MRRF: variants seen among roughly 807,000 people sequenced by gnomAD.
The protein encoded by MRRF is mitochondrial ribosome recycling factor.
A neutral mutation model predicts 25.1 loss-of-function variants in MRRF; 18 were observed. The observed-to-expected ratio is 0.72, with a 90% CI of 0.50 to 1.06. MRRF has a LOEUF of 1.06. Among genes scored for constraint, MRRF ranks in the 50% least tolerant of loss-of-function variants. The pLI is 0.00. For missense variants in MRRF, 323 were observed against 319.3 expected (o/e 1.01, Z -0.09); for synonymous variants, 113 against 112.1 (o/e 1.01, Z -0.05).
At chr9:122,315,207 G>A (rs1347734562) in intron 6 of MRRF, among the ~76,000 whole-genome samples, 2 of 152,030 alleles carry the variant, frequency 1.3e-5, no homozygotes, top group African/African-American at 4.8e-5. Flanking sequence ...TCTTGAGATG[G>A]GGTCTCACTA....
intron 1 of MRRF, chr9:122,265,463 T>C (rs1832007578): frequency 3.1e-6 from 1 of 326,194 alleles, no homozygotes; most frequent in East Asian, 8.1e-5. Context: ...GTTTTACAGA[T>C]GAGACGGAAG....
Position 122,273,875 on chromosome 9 carries a change from A to AT in MRRF, c.184+2807dup, listed in dbSNP as rs1488428282. ...ACATAATGGTTGTTTGTGCATTTTTATTTTTTTAATGATATTCTACTGAAA... is the reference window on the plus strand; with the variant it reads ...ACATAATGGTTGTTTGTGCATTTTTATTTTTTTTAATGATATTCTACTGAAA... On this transcript the variant is annotated intron_variant, in intron 2 of 6. Transcript: ENST00000344641. Among the ~76,000 whole-genome samples, 7 of 152,196 alleles carry AT rather than the reference A, an allele frequency of 4.6e-5. No individual in the cohort carries two copies. The East Asian group carries it at 1.4e-3, about 29-fold the overall frequency.
chr9:122,276,317 G>T (rs1832770723), intron 2 of MRRF, among the ~76,000 whole-genome samples: 1 of 152,052 alleles, frequency 6.6e-6, no homozygotes, highest in Admixed American at 6.6e-5. Flanking sequence ...TAGAGATAAG[G>T]TCTTGCTTTG....
chr9:122,287,244 G>C (rs1016230422), intron 4 of MRRF, among the ~76,000 whole-genome samples: 6 of 152,152 alleles, frequency 3.9e-5, no homozygotes, highest in African/African-American at 1.4e-4. Flanking sequence ...GTGTAAGCTT[G>C]GAATGTAGGA....
chr9:122,283,187 G>A (rs552875641), intron 3 of MRRF, among the ~76,000 whole-genome samples: 155 of 150,652 alleles, frequency 1.0e-3, no homozygotes, highest in Non-Finnish European at 8.7e-4. Context: ...TCCTTCTCCC[G>A]GGTTCAAGCG....
chr9:122,270,818 A>G, intron 1 of MRRF, 46 bp from the exon 2 acceptor site: 3 of 1,475,206 alleles, frequency 2.0e-6, no homozygotes, highest in Non-Finnish European at 2.8e-6. Flanking sequence ...CAAGCTTTGT[A>G]CTTAGATCTT....
intron 6 of MRRF, among the ~76,000 whole-genome samples, chr9:122,316,801 A>AT: frequency 6.7e-6 from 1 of 150,202 alleles, no homozygotes; most frequent in African/African-American, 2.4e-5. Context: ...ATTTTGGAAT[A>AT]TTTCTTTTTT....
At chr9:122,322,143 G>A (rs1221229538) in intron 6 of MRRF, among the ~76,000 whole-genome samples, 3 of 152,110 alleles carry the variant, frequency 2.0e-5, no homozygotes, top group South Asian at 2.1e-4. Flanking sequence ...GGAGGATCAC[G>A]AGGTCAGGAG....
chr9:122,283,578 A>G lies in MRRF; in HGVS notation c.341-1591A>G, dbSNP rs568354304. The stretch of plus-strand genomic sequence containing the variant: ...TCCCGGACTTTTCCAGGTTGAAGCC[A>G]CTGCTGTCAGCAACCTTCTGTCTTA... On this transcript the variant is annotated intron_variant, in intron 3 of 6. Transcript: ENST00000344641. Among the ~76,000 whole-genome samples, 126 of 152,344 alleles carry G rather than the reference A, an allele frequency of 8.3e-4. 1 individual carries two copies. Among genetic ancestry groups the G allele is most frequent in the South Asian group, 2.7e-3 (13 of 4,824 alleles).
intron 1 of MRRF, among the ~76,000 whole-genome samples, chr9:122,265,294 C>T (rs1317725404): frequency 2.6e-5 from 4 of 152,136 alleles, no homozygotes; most frequent in Non-Finnish European, 5.9e-5. Flanking sequence ...CAGGGTCACG[C>T]GGTCAGAAAG....
chr9:122,322,643 C>T lies in MRRF; in HGVS notation c.*26C>T. Reference sequence around the variant, plus strand: ...AAGTCCACTGGGGCCAGCAATACTCCAGAGCCCAGTTTCTGCTGGATCCCA... The same window carrying T: ...AAGTCCACTGGGGCCAGCAATACTCTAGAGCCCAGTTTCTGCTGGATCCCA... On this transcript the variant is annotated 3_prime_UTR_variant, in exon 7 of 7. Coordinates refer to ENST00000344641, the MANE Select transcript of MRRF (RefSeq NM_138777.5). The T allele has an allele frequency of 6.2e-7, 1 of 1,608,896 alleles. No individual in the cohort carries two copies. The highest frequency in any genetic ancestry group is 1.3e-5 in the African/African-American group (1 of 74,946).
intron 1 of MRRF, among the ~76,000 whole-genome samples, chr9:122,269,333 C>T (rs902448565): frequency 1.3e-5 from 2 of 151,938 alleles, no homozygotes; most frequent in African/African-American, 4.8e-5. Flanking sequence ...AGTAAATTGC[C>T]TAAAGTTGAA....
intron 6 of MRRF, among the ~76,000 whole-genome samples, chr9:122,316,154 G>T (rs909871992): frequency 4.6e-5 from 7 of 152,122 alleles, no homozygotes; most frequent in Admixed American, 3.9e-4. Context: ...ATATATCACA[G>T]ATATCTTTCT....
chr9:122,311,207 C>T (rs1227130276), intron 5 of MRRF, among the ~76,000 whole-genome samples: 1 of 152,156 alleles, frequency 6.6e-6, no homozygotes, highest in African/African-American at 2.4e-5. Context: ...ACTTCAAAAC[C>T]AGTGCCTTGC....
At chr9:122,313,065 A>G (rs1835300198) in intron 5 of MRRF, among the ~76,000 whole-genome samples, 162 bp from the exon 6 acceptor site, 1 of 152,210 alleles carries the variant, frequency 6.6e-6, no homozygotes, top group South Asian at 2.1e-4. Flanking sequence ...GGCAACTTAA[A>G]GCCTTTATAC....
intron 5 of MRRF, among the ~76,000 whole-genome samples, chr9:122,295,428 A>G (rs771712100): frequency 6.6e-6 from 1 of 151,694 alleles, no homozygotes; most frequent in Non-Finnish European, 1.5e-5. Context: ...TAGGAAGCAT[A>G]CATTCTTAAG....
intron 4 of MRRF, among the ~76,000 whole-genome samples, chr9:122,289,278 G>A (rs1833602807): frequency 6.6e-6 from 1 of 152,172 alleles, no homozygotes; most frequent in African/African-American, 2.4e-5. Flanking sequence ...ATCTGAACCA[G>A]ATCACTAATA....
chr9:122,309,048 T>C (rs556398488), intron 5 of MRRF, among the ~76,000 whole-genome samples: 1 of 152,298 alleles, frequency 6.6e-6, no homozygotes, highest in Non-Finnish European at 1.5e-5. Flanking sequence ...CACTTACCTC[T>C]TCCCCCAGCC....
intron 4 of MRRF, among the ~76,000 whole-genome samples, chr9:122,286,322 G>C (rs1316783800): frequency 1.3e-5 from 2 of 152,212 alleles, no homozygotes; most frequent in Non-Finnish European, 2.9e-5. Context: ...AAAGGGCTCT[G>C]ATAGCTAATG....
Sources: gnomAD v4.1 joint callset for allele counts (sites outside exome capture counted in the v4.1 genomes callset) on GRCh38, gnomAD v4.1.1 for gene constraint, MANE v1.5 for transcripts, NCBI Gene and HGNC (gene_info 2026-07-23, HGNC 2026-07-21) for gene names.